Variants in PAK5 observed in about 807,000 individuals in gnomAD.
PAK5 encodes the protein serine/threonine-protein kinase PAK 5.
In PAK5, 16 loss-of-function variants were observed where a neutral mutation model predicts 65.9. The observed-to-expected ratio is 0.24, with a 90% CI of 0.16 to 0.37. PAK5 has a LOEUF of 0.37. Ranked by LOEUF, PAK5 falls within the 10% of genes least tolerant of loss-of-function variation. The probability of loss-of-function intolerance (pLI) is 1.00; values close to 1 mark genes in which losing one functional copy is unlikely to be tolerated. For synonymous variants in PAK5, 371 were observed against 354.9 expected, an observed-to-expected ratio of 1.05 and a Z score of -0.51; for missense variants, 785 against 903.9, an observed-to-expected ratio of 0.87 and a Z score of 1.69.
chr20:9,587,228 T>G (rs1199940062), intron 3 of PAK5, among the ~76,000 whole-genome samples: 1 of 152,012 alleles, frequency 6.6e-6, no homozygotes, highest in Non-Finnish European at 1.5e-5. Context: ...CTAGAAGAAA[T>G]AAATCTAGCT....
At position 9,807,264 on chromosome 20, in the gene PAK5, C is replaced by T. The variant is rs545776652; in HGVS notation, c.-162+31498G>A. 1.2e-3 allele frequency among the ~76,000 whole-genome samples: 190 copies of T among 152,280 alleles called. 1 individual carries two copies. Among genetic ancestry groups the T allele is most frequent in the African/African-American group, 4.2e-3 (173 of 41,558 alleles). On this transcript the variant is annotated intron_variant, in intron 1 of 9. Coordinates refer to ENST00000353224, the MANE Select transcript of PAK5 (RefSeq NM_177990.4). The stretch of plus-strand genomic sequence containing the variant: ...GAGTCATTATTCTGTCTACCACATA[C>T]ACTATTCTATATTTTTAGTATCCTA...
At chr20:9,630,809 A>C (rs1489284549) in intron 3 of PAK5, among the ~76,000 whole-genome samples, 3 of 152,178 alleles carry the variant, frequency 2.0e-5, no homozygotes, top group Admixed American at 6.5e-5. Context: ...GGATTTCAGA[A>C]GAGTCACGGA....
At position 9,538,994 on chromosome 20, in the gene PAK5, A is replaced by T. The variant is rs905073018; in HGVS notation, c.*468T>A. ...ACATGACATCAAAGTACTATAAATT[A>T]TCAAAACTATCGTACAGAAAAATTA... On this transcript the variant is annotated 3_prime_UTR_variant, in exon 10 of 10. Transcript: ENST00000353224. 7 of 233,934 alleles carry T rather than the reference A, an allele frequency of 3.0e-5. No homozygotes were observed. Among genetic ancestry groups the T allele is most frequent in the African/African-American group, 1.3e-4 (6 of 45,338 alleles). The allele number at this position is 233,934 out of a possible 1,614,324, so 14.5% of individuals were successfully genotyped here.
At chr20:9,605,190 C>T (rs929104879) in intron 3 of PAK5, among the ~76,000 whole-genome samples, 5 of 152,208 alleles carry the variant, frequency 3.3e-5, no homozygotes, top group African/African-American at 1.2e-4. Context: ...GGTATTTATC[C>T]AAGAACTTCC....
intron 7 of PAK5, among the ~76,000 whole-genome samples, chr20:9,548,979 C>G (rs1040318931): frequency 5.9e-5 from 9 of 152,040 alleles, no homozygotes; most frequent in Non-Finnish European, 1.3e-4. Flanking sequence ...GTGATATTCA[C>G]AATTTCTTAT....
rs982019162 is a variant in PAK5, at chr20:9,830,824, C to T, written c.-162+7938G>A. 1.5e-4 allele frequency among the ~76,000 whole-genome samples: 23 copies of T among 152,324 alleles called. 1 individual carries two copies. Among genetic ancestry groups the T allele is most frequent in the African/African-American group, 5.5e-4 (23 of 41,564 alleles). On this transcript the variant is annotated intron_variant, in intron 1 of 9. Coordinates refer to ENST00000353224, the MANE Select transcript of PAK5 (RefSeq NM_177990.4). ...TAGACCATGAACCTTAAGTTAAACTCCCATGTCATAGCAAATGTTTCCTAT... is the reference window on the plus strand; with the variant it reads ...TAGACCATGAACCTTAAGTTAAACTTCCATGTCATAGCAAATGTTTCCTAT...
chr20:9,723,635 T>C (rs1241773432), intron 1 of PAK5, among the ~76,000 whole-genome samples: 2 of 152,292 alleles, frequency 1.3e-5, no homozygotes, highest in African/African-American at 4.8e-5. Flanking sequence ...TTTCGAACTG[T>C]TCTTGCATCT....
chr20:9,716,073 CAAAG>C (rs2048142424), intron 1 of PAK5, among the ~76,000 whole-genome samples: 1 of 81,084 alleles, frequency 1.2e-5, no homozygotes, highest in South Asian at 4.8e-4. Context: ...AAATCAAAAT[CAAAG>C]AAAGAACATG....
intron 2 of PAK5, among the ~76,000 whole-genome samples, chr20:9,681,078 C>T (rs2047643369): frequency 6.6e-6 from 1 of 152,164 alleles, no homozygotes; most frequent in South Asian, 2.1e-4. Context: ...TTATTTGGTA[C>T]ACAGATATTA....
chr20:9,587,627 A>T (rs2046092733), intron 3 of PAK5, among the ~76,000 whole-genome samples: 2 of 152,154 alleles, frequency 1.3e-5, no homozygotes, highest in African/African-American at 4.8e-5. Flanking sequence ...TAAAGTGCAC[A>T]CAAATCACCC....
At chr20:9,571,001 C>T (rs1603219035) in intron 4 of PAK5, among the ~76,000 whole-genome samples, 1 of 152,248 alleles carries the variant, frequency 6.6e-6, no homozygotes, top group Admixed American at 6.5e-5. Context: ...AGCTAACCAT[C>T]TTCAAAATAG....
chr20:9,701,988 A>G (rs925668777), intron 2 of PAK5, among the ~76,000 whole-genome samples: 1 of 152,004 alleles, frequency 6.6e-6, no homozygotes, highest in African/African-American at 2.4e-5. Flanking sequence ...CAACAGAGAG[A>G]CCCTGTCTCA....
intron 3 of PAK5, among the ~76,000 whole-genome samples, chr20:9,640,166 A>G (rs527983989): frequency 4.7e-4 from 71 of 149,858 alleles, no homozygotes; most frequent in African/African-American, 1.6e-3. Context: ...TTAACTCATC[A>G]TTTAGCATTA....
At chr20:9,760,420 C>T (rs926397705) in intron 1 of PAK5, among the ~76,000 whole-genome samples, 1 of 151,964 alleles carries the variant, frequency 6.6e-6, no homozygotes, top group Non-Finnish European at 1.5e-5. Context: ...GCAAAACTGT[C>T]TGATACAAAT....
chr20:9,573,418 C>CG (rs2122977853), intron 4 of PAK5, among the ~76,000 whole-genome samples: 1 of 152,192 alleles, frequency 6.6e-6, no homozygotes. Context: ...ACCAGAGCTA[C>CG]GCTGGGGTGG....
At chr20:9,753,104 C>A (rs1196437671) in intron 1 of PAK5, among the ~76,000 whole-genome samples, 1 of 152,118 alleles carries the variant, frequency 6.6e-6, no homozygotes, top group Non-Finnish European at 1.5e-5. Context: ...CATGAGCCAA[C>A]CAGCTGGCAG....
chr20:9,574,623 A>C (rs2045853505), intron 4 of PAK5, among the ~76,000 whole-genome samples: 1 of 152,222 alleles, frequency 6.6e-6, no homozygotes, highest in African/African-American at 2.4e-5. Flanking sequence ...AAACCCATTC[A>C]TAATGACCAA....
intron 3 of PAK5, among the ~76,000 whole-genome samples, chr20:9,587,688 G>A (rs943701424): frequency 3.9e-5 from 6 of 152,088 alleles, no homozygotes; most frequent in African/African-American, 1.4e-4. Context: ...GGTGGGGCCT[G>A]GGATGCTAGA....
intron 1 of PAK5, among the ~76,000 whole-genome samples, chr20:9,755,426 C>G (rs1306789248): frequency 6.6e-6 from 1 of 152,162 alleles, no homozygotes; most frequent in Non-Finnish European, 1.5e-5. Context: ...ACATTAGCAA[C>G]TCAAATAAAT....
Sources: allele counts gnomAD v4.1 joint callset (sites outside exome capture counted in the v4.1 genomes callset), GRCh38; gene constraint gnomAD v4.1.1; transcripts MANE v1.5; gene names NCBI Gene and HGNC (gene_info 2026-07-23, HGNC 2026-07-21).